The following ITGAL variants were observed in gnomAD, a reference collection of about 807,000 sequenced individuals.
ITGAL encodes the protein integrin alpha-L.
A neutral mutation model predicts 138.4 loss-of-function variants in ITGAL; 68 were observed. That is an observed-to-expected ratio of 0.49 (90% CI 0.40 to 0.60). The LOEUF (loss-of-function observed/expected upper bound fraction) is 0.60. Among genes scored for constraint, ITGAL ranks in the 20% least tolerant of loss-of-function variants. The probability of loss-of-function intolerance (pLI) is 0.00; values close to 1 mark genes in which losing one functional copy is unlikely to be tolerated. For synonymous variants in ITGAL, 561 were observed against 584.3 expected, an observed-to-expected ratio of 0.96 and a Z score of 0.57; for missense variants, 1,256 against 1,478.6, an observed-to-expected ratio of 0.85 and a Z score of 2.47.
intron 21 of ITGAL, among the ~76,000 whole-genome samples, chr16:30,509,066 G>T (rs2051049482): frequency 6.6e-6 from 1 of 151,280 alleles, no homozygotes; most frequent in South Asian, 2.1e-4. Flanking sequence ...AATCCCAGCT[G>T]CTTGGGAGGC....
intron 17 of ITGAL, among the ~76,000 whole-genome samples, chr16:30,499,969 G>A (rs1330688596): frequency 2.0e-5 from 3 of 149,956 alleles, no homozygotes; most frequent in East Asian, 1.9e-4. Flanking sequence ...GGCTGGTCTC[G>A]AACTCCTGAC....
intron 11 of ITGAL, among the ~76,000 whole-genome samples, chr16:30,493,467 G>A (rs1425373835): frequency 2.6e-5 from 4 of 151,656 alleles, no homozygotes; most frequent in African/African-American, 4.8e-5. Context: ...TAGTAGAGAC[G>A]GCGTTTCACC....
At position 30,513,793 on chromosome 16, in the gene ITGAL, G is replaced by T. The variant is rs1299937597; in HGVS notation, c.2809G>T (p.Val937Phe). 1.2e-6 allele frequency: 2 copies of T among 1,613,694 alleles called. No individual in the cohort carries two copies. Among genetic ancestry groups the T allele is most frequent in the Non-Finnish European group, 1.7e-6 (2 of 1,179,808 alleles). Reference sequence around the variant, plus strand: ...CAGCCAAGAAGACTCCACACTCTATGTCAGTTTCACCCCCAAAGGCCCCAA... The same window carrying T: ...CAGCCAAGAAGACTCCACACTCTATTTCAGTTTCACCCCCAAAGGCCCCAA... ...IQDQEDSTLY[V>F]SFTPKGPKIH... is the part of the protein sequence containing the mutation. The change falls in exon 25 of 31, where the codon GTC becomes TTC. Residue 937 changes from valine (V) to phenylalanine (F), a missense_variant. This residue lies in a region of ITGAL where 867 missense variants were observed against 972.5 expected (regional missense o/e 0.89). Transcript: ENST00000356798.
intron 7 of ITGAL, among the ~76,000 whole-genome samples, chr16:30,483,586 A>G (rs2050590059): frequency 6.6e-6 from 1 of 152,194 alleles, no homozygotes; most frequent in Admixed American, 6.6e-5. Context: ...CCTCCTGTCC[A>G]TGGGCTCTGG....
Position 30,492,070 on chromosome 16 carries a change from G to C in ITGAL, c.1214-2142G>C, listed in dbSNP as rs572454976. Among the ~76,000 whole-genome samples, 5 of 152,122 alleles carry C rather than the reference G, an allele frequency of 3.3e-5. No individual in the cohort carries two copies. In the South Asian group the frequency reaches 1.0e-3, roughly 32 times the overall value. ...CTCTGCACAGAGACCATCAGATGGG[G>C]TCAGTGACTCATCTCAGAGGATTCT... is the stretch of plus-strand genomic sequence containing the variant. On this transcript the variant is annotated intron_variant, in intron 11 of 30. Transcript: ENST00000356798.
At chr16:30,511,196 GC>G in intron 24 of ITGAL, 60 bp downstream of exon 24, 1 of 1,351,318 alleles carries the variant, frequency 7.4e-7, no homozygotes, top group Non-Finnish European at 1.1e-6. Flanking sequence ...CCAACCCAGG[GC>G]CCCGACTTTG....
At chr16:30,488,438 AG>A (rs2050677440) in intron 9 of ITGAL, among the ~76,000 whole-genome samples, 1 of 151,974 alleles carries the variant, frequency 6.6e-6, no homozygotes, top group African/African-American at 2.4e-5. Context: ...GGCTGGGCAC[AG>A]TGGCTCACAC....
At chr16:30,506,922 C>T in intron 21 of ITGAL, 66 bp downstream of exon 21, 1 of 1,580,918 alleles carries the variant, frequency 6.3e-7, no homozygotes, top group Non-Finnish European at 8.6e-7. Context: ...TTCTTTGAGC[C>T]CCAGGCAGCC....
At chr16:30,481,693 A>G in intron 7 of ITGAL, 109 bp downstream of exon 7, 2 of 942,828 alleles carry the variant, frequency 2.1e-6, no homozygotes, top group Non-Finnish European at 3.3e-6. Flanking sequence ...AGCAAGGGGC[A>G]GTTTATTGTC....
chr16:30,483,929 G>GGCC lies in ITGAL; in HGVS notation c.826_828dup (p.Ala276dup), dbSNP rs1224242226. ...CCACTGACAGTGGCAACATCGATGC[G>GGCC]GCCAAAGACATCATCCGCTACATCA... On this transcript the variant is annotated inframe_insertion, in exon 8 of 31. Coordinates refer to ENST00000356798, the MANE Select transcript of ITGAL (RefSeq NM_002209.3). 6.2e-7 allele frequency: 1 copy of GGCC among 1,613,680 alleles called. No individual in the cohort carries two copies. The highest frequency in any genetic ancestry group is 8.5e-7 in the Non-Finnish European group (1 of 1,179,816).
chr16:30,483,783 C>T, intron 7 of ITGAL, 44 bp from the exon 8 acceptor site: 2 of 1,569,902 alleles, frequency 1.3e-6, no homozygotes, highest in South Asian at 1.1e-5. Flanking sequence ...GACCTCAGGC[C>T]CTAGTTTGGG....
At chr16:30,519,344 C>T (rs1489265502) in intron 29 of ITGAL, among the ~76,000 whole-genome samples, 1 of 151,574 alleles carries the variant, frequency 6.6e-6, no homozygotes, top group African/African-American at 2.4e-5. Flanking sequence ...GATTATGCCA[C>T]TACACTCCAG....
chr16:30,510,575 A>G, intron 22 of ITGAL, 104 bp downstream of exon 22: 1 of 736,646 alleles, frequency 1.4e-6, no homozygotes, highest in Non-Finnish European at 2.4e-6. Context: ...ATTGTCAAGA[A>G]GGGTGTACCT....
intron 17 of ITGAL, among the ~76,000 whole-genome samples, chr16:30,503,602 A>G (rs961246233): frequency 8.6e-5 from 13 of 151,930 alleles, no homozygotes; most frequent in African/African-American, 3.1e-4. Context: ...AAAGAAAAAA[A>G]GAAAAGAAAG....
intron 17 of ITGAL, among the ~76,000 whole-genome samples, chr16:30,502,231 A>G (rs1203395551): frequency 6.7e-6 from 1 of 150,182 alleles, no homozygotes; most frequent in Non-Finnish European, 1.5e-5. Flanking sequence ...CCCCGTCTCT[A>G]CTAAAAATAC....
At chr16:30,506,262 T>TAAAAA (rs59616156) in intron 20 of ITGAL, among the ~76,000 whole-genome samples, 17 of 111,344 alleles carry the variant, frequency 1.5e-4, no homozygotes, top group African/African-American at 3.7e-4. Context: ...TCTGTCTCAA[T>TAAAAA]AAAAAAAAAA....
At position 30,489,160 on chromosome 16, in the gene ITGAL, G is replaced by A. The variant is rs11574942; in HGVS notation, c.1080+5G>A. The A allele has an allele frequency of 9.4e-4, 1,512 of 1,613,982 alleles. 14 individuals are homozygous for A. In the African/African-American group the frequency reaches 0.018, roughly 19 times the overall value. On this transcript the variant is annotated splice_donor_5th_base_variant and intron_variant, in intron 10 of 30. Coordinates refer to ENST00000356798, the MANE Select transcript of ITGAL (RefSeq NM_002209.3). Reference sequence around the variant, plus strand: ...ATCAGTGCTGACCTCAGCAGGGTGCGTGCTGGGCTGGAGCAATGGGCTGCA... The same window carrying A: ...ATCAGTGCTGACCTCAGCAGGGTGCATGCTGGGCTGGAGCAATGGGCTGCA...
At chr16:30,507,286 C>T (rs921524840) in intron 21 of ITGAL, among the ~76,000 whole-genome samples, 13 of 151,712 alleles carry the variant, frequency 8.6e-5, no homozygotes, top group Admixed American at 8.5e-4. Context: ...GGTGAAACCC[C>T]GTCTCTACTA....
rs1013270161 is a variant in ITGAL at position 30,474,177 on chromosome 16, C to G, written c.62-19C>G. On this transcript the variant is annotated intron_variant, in intron 1 of 30. Transcript: ENST00000356798. ...GCGGGGGTCCCTCGGTCGCAGCTGACGACCCTTGCCTTCCTCAGCGCCGGC... is the reference window on the plus strand; with the variant it reads ...GCGGGGGTCCCTCGGTCGCAGCTGAGGACCCTTGCCTTCCTCAGCGCCGGC... The G allele has an allele frequency of 5.7e-6, 9 of 1,567,898 alleles. No individual in the cohort carries two copies. The African/African-American group carries it at 6.7e-5, about 12-fold the overall frequency.
Sources: allele counts gnomAD v4.1 joint callset (sites outside exome capture counted in the v4.1 genomes callset), GRCh38; gene constraint gnomAD v4.1.1; regional missense constraint gnomAD v4.1.1; transcripts MANE v1.5; gene names NCBI Gene and HGNC (gene_info 2026-07-23, HGNC 2026-07-21).